CHD1L: variants seen among roughly 807,000 people sequenced by gnomAD.
The protein encoded by CHD1L is chromodomain helicase DNA binding protein 1 like, also known as ATP-dependent chromatin remodeler CHD1L.
CHD1L carries 118 observed loss-of-function variants against 115.9 expected under a neutral mutation model. The observed-to-expected ratio is 1.02, with a 90% CI of 0.88 to 1.19. The LOEUF is 1.19. Ranked by LOEUF, CHD1L falls within the 50% of genes most tolerant of loss-of-function variation. The probability of loss-of-function intolerance (pLI) is 0.00; values close to 1 mark genes in which losing one functional copy is unlikely to be tolerated. For missense variants in CHD1L, 1,179 were observed against 1,065.3 expected, an observed-to-expected ratio of 1.11 and a Z score of -1.49; for synonymous variants, 411 against 387.1, an observed-to-expected ratio of 1.06 and a Z score of -0.72.
At chr1:147,250,751 A>AT (rs1194089665) in intron 1 of CHD1L, among the ~76,000 whole-genome samples, 10 of 151,850 alleles carry the variant, frequency 6.6e-5, no homozygotes, top group African/African-American at 2.4e-4. Flanking sequence ...GTTATTATAT[A>AT]AAAGTTTCCT....
chr1:147,178,228 A>G, the CHD1L span: 1 of 1,613,590 alleles, frequency 6.2e-7, no homozygotes, highest in Non-Finnish European at 8.5e-7. Flanking sequence ...GGAGAGTCGC[A>G]TCTCCGACAC....
chr1:147,271,809 C>T (rs1238345131), intron 11 of CHD1L, among the ~76,000 whole-genome samples: 4 of 152,194 alleles, frequency 2.6e-5, no homozygotes, highest in Non-Finnish European at 4.4e-5. Context: ...ACTCACCTGC[C>T]TCCAAGCGCT....
chr1:147,225,386 A>C, the CHD1L span: 3 of 218,630 alleles, frequency 1.4e-5, no homozygotes, highest in East Asian at 3.1e-4. Flanking sequence ...ACGGACAAAC[A>C]GCGAGAGCCA....
At chr1:147,178,238 C>T in the CHD1L span, 5,865 of 1,613,574 alleles carry the variant, frequency 3.6e-3, 182 homozygotes, top group African/African-American at 0.069. Context: ...ATCTCCGACA[C>T]GGGCTCTGCG....
intron 19 of CHD1L, among the ~76,000 whole-genome samples, chr1:147,289,900 T>C (rs782054053): frequency 7.9e-5 from 12 of 152,198 alleles, no homozygotes; most frequent in Non-Finnish European, 1.6e-4. Flanking sequence ...TCACATGATT[T>C]GTCCAGGGAG....
At chr1:147,212,250 A>G in the CHD1L span, 1 of 776,998 alleles carries the variant, frequency 1.3e-6, no homozygotes, top group Non-Finnish European at 2.1e-6. Context: ...CAACTGAGGT[A>G]ATGAAACGAA....
chr1:147,268,843 C>G lies in CHD1L; in HGVS notation c.1050C>G (p.His350Gln), dbSNP rs17356233. 0.22 allele frequency: 360,600 copies of G among 1,612,340 alleles called. 43,036 individuals carry two copies. The highest frequency in any genetic ancestry group is 0.25 in the South Asian group (22,947 of 91,032). Residue 350 changes from histidine to glutamine, a missense_variant, in exon 10 of 23, where the codon CAC becomes CAG. Physicochemically the swap from His to Gln is conservative, Grantham distance 24. Transcript: ENST00000369258. Reference protein sequence around the residue: ...DHLTEASGKLHLLDKLLAFLY... With the variant: ...DHLTEASGKLQLLDKLLAFLY... ...TGACTGAGGCTAGTGGGAAGCTTCA[C>G]CTGCTGGATAAGCTACTAGCATTCC...
rs782259785 is a variant in CHD1L at position 147,268,866 on chromosome 1, T to G, written c.1073T>G (p.Phe358Cys). The G allele has an allele frequency of 1.2e-6, 2 of 1,612,686 alleles. No individual in the cohort carries two copies. Among genetic ancestry groups the G allele is most frequent in the South Asian group, 2.2e-5 (2 of 91,032 alleles). ...KLHLLDKLLA[F>C]LYSGGHRVLL... The stretch of plus-strand genomic sequence containing the variant: ...CACCTGCTGGATAAGCTACTAGCAT[T>G]CCTGTATTCTGGGTAGGTGGTAGGT... Residue 358 changes from phenylalanine (F) to cysteine (C), a missense_variant, in exon 10 of 23, where the codon TTC becomes TGC. Phe to Cys is a radical substitution (Grantham distance 205). Coordinates refer to ENST00000369258, the MANE Select transcript of CHD1L (RefSeq NM_004284.6).
At chr1:147,255,713 G>A in intron 3 of CHD1L, 100 bp from the exon 4 acceptor site, 1 of 782,506 alleles carries the variant, frequency 1.3e-6, no homozygotes, top group Non-Finnish European at 2.1e-6. Flanking sequence ...CATGAGTTCT[G>A]TACATTGCAA....
chr1:147,274,036 C>T (rs1446314713), intron 12 of CHD1L, among the ~76,000 whole-genome samples: 5 of 152,158 alleles, frequency 3.3e-5, no homozygotes. Flanking sequence ...TTTTATGGAA[C>T]ACATTTTAAA....
chr1:147,291,470 G>T lies in CHD1L; in HGVS notation c.2321-12G>T, dbSNP rs1553970392. 6.2e-7 allele frequency: 1 copy of T among 1,611,342 alleles called. No homozygotes were observed. Among genetic ancestry groups the T allele is most frequent in the Non-Finnish European group, 8.5e-7 (1 of 1,177,516 alleles). ...GGTGTTCTTTATGTTGCTCCTTTCT[G>T]TTTTACCTCAGACCTGAGTTTGGGA... is the stretch of plus-strand genomic sequence containing the variant. On this transcript the variant is annotated splice_polypyrimidine_tract_variant and intron_variant, in intron 19 of 22. Coordinates refer to ENST00000369258, the MANE Select transcript of CHD1L (RefSeq NM_004284.6).
chr1:147,269,939 G>A (rs1306366658), intron 10 of CHD1L, among the ~76,000 whole-genome samples: 2 of 152,230 alleles, frequency 1.3e-5, no homozygotes, highest in Non-Finnish European at 2.9e-5. Context: ...ATTGGTTCTC[G>A]TATATCTGCC....
the CHD1L span, chr1:147,223,564 A>T: frequency 6.5e-6 from 1 of 154,114 alleles, no homozygotes; most frequent in Non-Finnish European, 1.4e-5. Context: ...GCCAATAGGA[A>T]AGAAGGCTAA....
intron 10 of CHD1L, among the ~76,000 whole-genome samples, chr1:147,269,750 C>G (rs1365111614): frequency 1.3e-5 from 2 of 151,810 alleles, no homozygotes; most frequent in African/African-American, 4.8e-5. Flanking sequence ...TCCTAGTCAC[C>G]AGAGTTCTCT....
the CHD1L span, chr1:147,190,058 C>A: frequency 1.6e-6 from 1 of 636,470 alleles, no homozygotes; most frequent in Non-Finnish European, 2.6e-6. Flanking sequence ...TTCCTTTTTT[C>A]TTCATAATAG....
In CHD1L at chr1:147,266,624, A is replaced by G. The variant is rs1431303397; in HGVS notation, c.895+537A>G. ...CTGCTCTGTCATCAGTCCAATAGTC[A>G]TGGTATCACAGTGCTTTTGTTCAAC... On this transcript the variant is annotated intron_variant, in intron 8 of 22. Coordinates refer to ENST00000369258, the MANE Select transcript of CHD1L (RefSeq NM_004284.6). Among the ~76,000 whole-genome samples, 16 of 152,332 alleles carry G rather than the reference A, an allele frequency of 1.1e-4. No homozygotes were observed. In the East Asian group the frequency reaches 2.9e-3, roughly 28 times the overall value.
the CHD1L span, among the ~76,000 whole-genome samples, chr1:147,205,743 T>G: frequency 6.6e-6 from 1 of 152,148 alleles, no homozygotes; most frequent in African/African-American, 2.4e-5. Flanking sequence ...ATCCCTTCCT[T>G]ACACCTTATA....
At chr1:147,184,998 G>A in the CHD1L span, among the ~76,000 whole-genome samples, 3 of 151,786 alleles carry the variant, frequency 2.0e-5, no homozygotes, top group Admixed American at 6.6e-5. The surrounding 1 kb of genome is among the most constrained non-coding windows in gnomAD (Gnocchi z 4.4). Flanking sequence ...TTTTGTAATC[G>A]ACTTTAAAAT....
At chr1:147,204,138 T>C in the CHD1L span, 1 of 1,066,496 alleles carries the variant, frequency 9.4e-7, no homozygotes, top group South Asian at 1.2e-5. Flanking sequence ...CTTAAATTCA[T>C]CAATTCTTCA....
Sources: allele counts gnomAD v4.1 joint callset (sites outside exome capture counted in the v4.1 genomes callset), GRCh38; gene constraint gnomAD v4.1.1; non-coding constraint Gnocchi (gnomAD v3.1); transcripts MANE v1.5; gene names NCBI Gene and HGNC (gene_info 2026-07-23, HGNC 2026-07-21).